TMEM221: variants seen among roughly 807,000 people sequenced by gnomAD.
The protein encoded by TMEM221 is Putative transmembrane protein ENSP00000342162.
Under a neutral mutation model 10.2 loss-of-function variants are expected in TMEM221, and 11 were observed. That is an observed-to-expected ratio of 1.08 (90% CI 0.68 to 1.79). The LOEUF (loss-of-function observed/expected upper bound fraction) is 1.79, where lower values mean the gene tolerates loss of function less well. TMEM221 is among the 40% of genes most tolerant of loss of function. The pLI, the probability that TMEM221 is intolerant of heterozygous loss-of-function variation, is 0.00. For synonymous variants in TMEM221, 172 were observed against 199.8 expected (o/e 0.86, Z 1.18); for missense variants, 382 against 417.7 (o/e 0.91, Z 0.75).
In TMEM221 at chr19:17,445,207, T is replaced by A; in HGVS notation, c.398A>T (p.Tyr133Phe). Residue 133 changes from tyrosine (Y) to phenylalanine (F), a missense_variant, in exon 2 of 3, where the codon TAT becomes TTT. Transcript: ENST00000341130. ...LGLFCCGISV[Y>F]LAALSIYALL... Reference sequence around the variant, plus strand: ...TCTATTCCAGCACACACCTGCTAAATAGACGGAGATCCCACAGCAGAAAAG... The same window carrying A: ...TCTATTCCAGCACACACCTGCTAAAAAGACGGAGATCCCACAGCAGAAAAG... 10 of 1,535,624 alleles carry A rather than the reference T, an allele frequency of 6.5e-6. No individual in the cohort carries two copies. The highest frequency in any genetic ancestry group is 8.7e-6 in the Non-Finnish European group (10 of 1,146,588).
rs545423871 is a variant in TMEM221 at position 17,440,452 on chromosome 19, C to T, written c.407-3525G>A. Among the ~76,000 whole-genome samples the T allele has an allele frequency of 1.2e-3, 179 of 152,212 alleles. 1 individual carries two copies. The East Asian group carries it at 0.032, about 28-fold the overall frequency. On this transcript the variant is annotated intron_variant, in intron 2 of 2. Coordinates refer to ENST00000341130, the MANE Select transcript of TMEM221 (RefSeq NM_001190844.2). ...TTGTTAGCCAGGATGGTCTCGATCT[C>T]CTGACCTCGTGATCTGCCCGCCTCG...
Position 17,436,780 on chromosome 19 carries a change from T to C in TMEM221, c.554A>G (p.Glu185Gly). 1 of 1,519,564 alleles carries C rather than the reference T, an allele frequency of 6.6e-7. No homozygotes were observed. The highest frequency in any genetic ancestry group is 8.8e-7 in the Non-Finnish European group (1 of 1,136,432). The allele number at this position is 1,519,564 out of a possible 1,614,324, so 94.1% of individuals were successfully genotyped here. Reference sequence around the variant, plus strand: ...GTCTTCAAAGGATGGCGGGGACAACTCATGGAGCCCACGGCGGGCAGCCCG... The same window carrying C: ...GTCTTCAAAGGATGGCGGGGACAACCCATGGAGCCCACGGCGGGCAGCCCG... Reference protein sequence around the residue: ...AARAARRGLHELSPPSFEDDL... With the variant: ...AARAARRGLHGLSPPSFEDDL... The change falls in exon 3 of 3, where the codon GAG becomes GGG. Residue 185 changes from glutamate to glycine, a missense_variant. By Grantham distance (98) the Glu-to-Gly change is moderately conservative. Transcript: ENST00000341130.
In TMEM221 at chr19:17,448,257, G is replaced by A. The variant is rs1294675932; in HGVS notation, c.206C>T (p.Pro69Leu). The change falls in exon 1 of 3, where the codon CCG becomes CTG. Residue 69 changes from proline (P) to leucine (L), a missense_variant. Coordinates refer to ENST00000341130, the MANE Select transcript of TMEM221 (RefSeq NM_001190844.2). The surrounding 1 kb of genome is among the most constrained non-coding windows in gnomAD (Gnocchi z 4.7). ...CAGCGCGGCCAGCGCGGCGGCCAGC[G>A]GCAGCAGCGTCCCGGCCGCGTCCTC... ...LPEDAAGTLL[P>L]LAAALAALVL... 2.4e-6 allele frequency: 3 copies of A among 1,276,570 alleles called. No homozygotes were observed. The highest frequency in any genetic ancestry group is 1.6e-5 in the African/African-American group (1 of 63,978). The allele number at this position is 1,276,570 out of a possible 1,614,324, so 79.1% of individuals were successfully genotyped here.
chr19:17,448,103 C>G lies in TMEM221; in HGVS notation c.320+40G>C, dbSNP rs1417324079. 1 of 1,315,624 alleles carries G rather than the reference C, an allele frequency of 7.6e-7. No homozygotes were observed. Among genetic ancestry groups the G allele is most frequent in the African/African-American group, 1.5e-5 (1 of 64,584 alleles). 81.5% of individuals were successfully genotyped at this position (1,315,624 alleles called of 1,614,324 possible). On this transcript the variant is annotated intron_variant, in intron 1 of 2. Transcript: ENST00000341130. This position sits in a 1 kb window ranked among gnomAD's most constrained non-coding sequence, Gnocchi z 4.7. ...GAGGCTCAACCAGGCTCACCCAGCCCCCAGCCGGGCCTCCGAGGCGGTGAG... is the reference window on the plus strand; with the variant it reads ...GAGGCTCAACCAGGCTCACCCAGCCGCCAGCCGGGCCTCCGAGGCGGTGAG...
chr19:17,436,350 G>T lies in TMEM221; in HGVS notation c.*108C>A. 9.1e-7 allele frequency: 1 copy of T among 1,095,546 alleles called. No individual in the cohort carries two copies. Among genetic ancestry groups the T allele is most frequent in the Non-Finnish European group, 1.2e-6 (1 of 806,356 alleles). 67.9% of individuals were successfully genotyped at this position (1,095,546 alleles called of 1,614,324 possible). On this transcript the variant is annotated 3_prime_UTR_variant, in exon 3 of 3. Transcript: ENST00000341130. ...AACCTTGAGGACAAAAGCCAAGGAT[G>T]CAATAAAATGAGAGAAAAATCAAGT...
intron 1 of TMEM221, among the ~76,000 whole-genome samples, chr19:17,446,786 C>T (rs1458313643): frequency 6.6e-6 from 1 of 152,084 alleles, no homozygotes. Flanking sequence ...AGTGGTTATT[C>T]ATAAGCATGA....
At chr19:17,441,991 T>C (rs1429269716) in intron 2 of TMEM221, among the ~76,000 whole-genome samples, 1 of 152,128 alleles carries the variant, frequency 6.6e-6, no homozygotes, top group African/African-American at 2.4e-5. Context: ...GTGAATGAAT[T>C]CTCAATTTTA....
chr19:17,445,221 A>G lies in TMEM221; in HGVS notation c.384T>C (p.Cys128=). ...CACCTGCTAAATAGACGGAGATCCCACAGCAGAAAAGGCCAAGGGCCACAT... is the reference window on the plus strand; with the variant it reads ...CACCTGCTAAATAGACGGAGATCCCGCAGCAGAAAAGGCCAAGGGCCACAT... ...LRHVALGLFC[C]GISVYLAALS... is the part of the protein sequence containing the mutation. Residue 128 remains cysteine (C), a synonymous_variant, in exon 2 of 3, where the codon TGT becomes TGC. Coordinates refer to ENST00000341130, the MANE Select transcript of TMEM221 (RefSeq NM_001190844.2). The G allele has an allele frequency of 6.5e-7, 1 of 1,535,986 alleles. No individual in the cohort carries two copies.
At chr19:17,439,155 C>G (rs2074921660) in intron 2 of TMEM221, among the ~76,000 whole-genome samples, 1 of 144,460 alleles carries the variant, frequency 6.9e-6, no homozygotes, top group Non-Finnish European at 1.5e-5. Context: ...TGCAGCGAGC[C>G]GAGATCACGC....
At chr19:17,441,116 G>A (rs2074930098) in intron 2 of TMEM221, among the ~76,000 whole-genome samples, 1 of 151,512 alleles carries the variant, frequency 6.6e-6, no homozygotes, top group Non-Finnish European at 1.5e-5. Flanking sequence ...GCTGAGGGAG[G>A]AGAATCGCTT....
At chr19:17,441,992 CTCAATT>C (rs2074933892) in intron 2 of TMEM221, among the ~76,000 whole-genome samples, 2 of 152,116 alleles carry the variant, frequency 1.3e-5, no homozygotes, top group Non-Finnish European at 2.9e-5. Context: ...TGAATGAATT[CTCAATT>C]TTACGCTTAG....
chr19:17,443,547 G>A (rs1246804883), intron 2 of TMEM221, among the ~76,000 whole-genome samples: 1 of 151,708 alleles, frequency 6.6e-6, no homozygotes, highest in Non-Finnish European at 1.5e-5. Context: ...TATTGGCCAG[G>A]CTGGTCTTGA....
chr19:17,448,376 C>A lies in TMEM221; in HGVS notation c.87G>T (p.Gln29His), dbSNP rs1454298256. 2 of 1,434,632 alleles carry A rather than the reference C, an allele frequency of 1.4e-6. No homozygotes were observed. Among genetic ancestry groups the A allele is most frequent in the Non-Finnish European group, 1.8e-6 (2 of 1,097,632 alleles). The allele number at this position is 1,434,632 out of a possible 1,614,324, so 88.9% of individuals were successfully genotyped here. The change falls in exon 1 of 3, where the codon CAG becomes CAT. Residue 29 changes from glutamine to histidine, a missense_variant. Coordinates refer to ENST00000341130, the MANE Select transcript of TMEM221 (RefSeq NM_001190844.2). This position sits in a 1 kb window ranked among gnomAD's most constrained non-coding sequence, Gnocchi z 4.7. The part of the protein sequence containing the change: ...AAAVLAALGA[Q>H]LLFQLQAGRA... ...GGCCCGCCTGCAGCTGAAACAGCAG[C>A]TGCGCGCCCAGCGCCGCCAGCACGG...
chr19:17,441,549 G>A (rs2074931942), intron 2 of TMEM221, among the ~76,000 whole-genome samples: 1 of 152,144 alleles, frequency 6.6e-6, no homozygotes, highest in Non-Finnish European at 1.5e-5. Context: ...GCCAATCAGA[G>A]CATTAATTGC....
At chr19:17,442,442 CTTTTTT>C (rs35930067) in intron 2 of TMEM221, among the ~76,000 whole-genome samples, 1 of 137,550 alleles carries the variant, frequency 7.3e-6, no homozygotes, top group Non-Finnish European at 1.6e-5. Context: ...TCTTTTCTTT[CTTTTTT>C]TTTTTTTTTT....
At position 17,436,884 on chromosome 19, in the gene TMEM221, G is replaced by GC. The variant is rs1568396494; in HGVS notation, c.449dup (p.Ala151ArgfsTer35). The GC allele has an allele frequency of 2.1e-6, 3 of 1,438,004 alleles. No individual in the cohort carries two copies. The highest frequency in any genetic ancestry group is 2.7e-6 in the Non-Finnish European group (3 of 1,098,084). 89.1% of individuals were successfully genotyped at this position (1,438,004 alleles called of 1,614,324 possible). A position where few individuals can be genotyped will look rare whatever the true frequency, so the allele number is the denominator to read the frequency against. On this transcript the variant is annotated frameshift_variant, in exon 3 of 3. Coordinates refer to ENST00000341130, the MANE Select transcript of TMEM221 (RefSeq NM_001190844.2). LOFTEE classifies it low-confidence loss of function (END_TRUNC). Reference sequence around the variant, plus strand: ...AGCCGAGGATGGAAGCAGCTGCTGCGCCTGTCTCGATCTCGAAAAGTAGCA... The same window carrying GC: ...AGCCGAGGATGGAAGCAGCTGCTGCGCCCTGTCTCGATCTCGAAAAGTAGCA...
chr19:17,440,401 AT>A (rs1204019352), intron 2 of TMEM221, among the ~76,000 whole-genome samples: 1 of 151,764 alleles, frequency 6.6e-6, no homozygotes, highest in Admixed American at 6.6e-5. Flanking sequence ...TAATTTTTGT[AT>A]TTTTAGTAGA....
intron 2 of TMEM221, among the ~76,000 whole-genome samples, chr19:17,438,086 ATTT>A (rs71162128): frequency 8.3e-4 from 94 of 113,770 alleles, no homozygotes; most frequent in Admixed American, 1.4e-3. Context: ...TGCCTGGCTA[ATTT>A]TTTTTTTTTT....
chr19:17,447,870 T>C (rs1239634153), intron 1 of TMEM221, among the ~76,000 whole-genome samples: 1 of 152,210 alleles, frequency 6.6e-6, no homozygotes, highest in Non-Finnish European at 1.5e-5. Flanking sequence ...AAGCTGATCC[T>C]GGACCCTCTT....
Sources: gnomAD v4.1 joint callset for allele counts (sites outside exome capture counted in the v4.1 genomes callset) on GRCh38, gnomAD v4.1.1 for gene constraint, Gnocchi (gnomAD v3.1) non-coding constraint, MANE v1.5 for transcripts, NCBI Gene and HGNC (gene_info 2026-07-23, HGNC 2026-07-21) for gene names.